The following PCDHGB2 variants were observed in gnomAD, a reference collection of about 807,000 sequenced individuals.
The protein encoded by PCDHGB2 is protocadherin gamma-B2.
PCDHGB2 carries 55 observed loss-of-function variants against 59.3 expected under a neutral mutation model. The observed-to-expected ratio is 0.93, with a 90% CI of 0.75 to 1.16. PCDHGB2 has a LOEUF of 1.16. Among genes scored for constraint, PCDHGB2 ranks in the 50% most tolerant of loss-of-function variants. The pLI, the probability that PCDHGB2 is intolerant of heterozygous loss-of-function variation, is 0.00. For synonymous variants in PCDHGB2, 516 were observed against 512.0 expected, an observed-to-expected ratio of 1.01 and a Z score of -0.11; for missense variants, 1,228 against 1,198.5, an observed-to-expected ratio of 1.02 and a Z score of -0.36.
At chr5:141,370,916 T>G in intron 1 of PCDHGB2, 1 of 1,614,016 alleles carries the variant, frequency 6.2e-7, no homozygotes, top group Non-Finnish European at 8.5e-7. Context: ...ACCTCAGCCC[T>G]GATCCGCACT....
At chr5:141,413,066 A>T in intron 1 of PCDHGB2, 2 of 1,161,944 alleles carry the variant, frequency 1.7e-6, no homozygotes, top group Non-Finnish European at 2.4e-6. Flanking sequence ...TCCAGAATTT[A>T]AAGTGCCCAG....
In PCDHGB2 at chr5:141,431,710, G is replaced by A. The variant is rs1249423969; in HGVS notation, c.2422-63097G>A. On this transcript the variant is annotated intron_variant, in intron 1 of 3. Coordinates refer to ENST00000522605, the MANE Select transcript of PCDHGB2 (RefSeq NM_018923.3). The surrounding 1 kb of genome is among the most constrained non-coding windows in gnomAD (Gnocchi z 4.8). ...ACGAGGAGTCAGGATTCTACCAGAT[G>A]GAAGTGCAAGCAATGGATAATGCAG... is the stretch of plus-strand genomic sequence containing the variant. 3.1e-6 allele frequency: 5 copies of A among 1,614,116 alleles called. No individual in the cohort carries two copies. Among genetic ancestry groups the A allele is most frequent in the South Asian group, 1.1e-5 (1 of 91,088 alleles).
In PCDHGB2 at chr5:141,410,323, G is replaced by T. The variant is rs1415994094; in HGVS notation, c.2421+47767G>T. 3.7e-6 allele frequency: 6 copies of T among 1,613,884 alleles called. No homozygotes were observed. The South Asian group carries it at 5.5e-5, about 15-fold the overall frequency. ...TCTCAGTGCTCTTCCTCCTCGCCGT[G>T]ATTCTGGCCATTGCCTTGCGCCTGC... is the stretch of plus-strand genomic sequence containing the variant. On this transcript the variant is annotated intron_variant, in intron 1 of 3. Transcript: ENST00000522605.
chr5:141,384,829 G>A (rs1243050988), intron 1 of PCDHGB2: 5 of 1,613,524 alleles, frequency 3.1e-6, no homozygotes, highest in Non-Finnish European at 4.2e-6. Flanking sequence ...GAGCCTCGTG[G>A]TGGCCGTCCA....
In PCDHGB2 at chr5:141,361,569, C is replaced by T; in HGVS notation, c.1434C>T (p.Asp478=). Residue 478 remains aspartate, a synonymous_variant, in exon 1 of 4, where the codon GAC becomes GAT. Coordinates refer to ENST00000522605, the MANE Select transcript of PCDHGB2 (RefSeq NM_018923.3). ...GASIAQISAS[D]PDLGPSGQVS... ...CTATCGCTCAAATCAGTGCCTCTGACCCTGACTTGGGCCCCAGTGGCCAAG... is the reference window on the plus strand; with the variant it reads ...CTATCGCTCAAATCAGTGCCTCTGATCCTGACTTGGGCCCCAGTGGCCAAG... 6.2e-7 allele frequency: 1 copy of T among 1,614,072 alleles called. No individual in the cohort carries two copies.
chr5:141,490,380 T>C lies in PCDHGB2; in HGVS notation c.2422-4427T>C, dbSNP rs1246254637. 1 of 1,614,204 alleles carries C rather than the reference T, an allele frequency of 6.2e-7. No individual in the cohort carries two copies. ...TTAATGTGCGAGACCGGGACTCAGGTAGAAATGGTGAAGTGAGCCTTGATA... is the reference window on the plus strand; with the variant it reads ...TTAATGTGCGAGACCGGGACTCAGGCAGAAATGGTGAAGTGAGCCTTGATA... On this transcript the variant is annotated intron_variant, in intron 1 of 3. Coordinates refer to ENST00000522605, the MANE Select transcript of PCDHGB2 (RefSeq NM_018923.3). This position sits in a 1 kb window ranked among gnomAD's most constrained non-coding sequence, Gnocchi z 5.4.
chr5:141,447,135 GT>G (rs905717632), intron 1 of PCDHGB2, among the ~76,000 whole-genome samples: 1 of 151,698 alleles, frequency 6.6e-6, no homozygotes, highest in South Asian at 2.1e-4. Flanking sequence ...TTGTTTGTTT[GT>G]TTTTTGTTTT....
chr5:141,488,751 C>T (rs1185515068), intron 1 of PCDHGB2, among the ~76,000 whole-genome samples: 1 of 152,154 alleles, frequency 6.6e-6, no homozygotes, highest in Non-Finnish European at 1.5e-5. Context: ...CAGGAAGTTG[C>T]TGGGACAGAA....
chr5:141,487,323 G>A lies in PCDHGB2; in HGVS notation c.2422-7484G>A, dbSNP rs374901235. Reference sequence around the variant, plus strand: ...GTGGCACTACTCTCTAAGTGTCTTCGTGGGGCAGCCTGTGGAGTCACATGC... The same window carrying A: ...GTGGCACTACTCTCTAAGTGTCTTCATGGGGCAGCCTGTGGAGTCACATGC... On this transcript the variant is annotated intron_variant, in intron 1 of 3. Coordinates refer to ENST00000522605, the MANE Select transcript of PCDHGB2 (RefSeq NM_018923.3). The surrounding 1 kb of genome is among the most constrained non-coding windows in gnomAD (Gnocchi z 5.0). 4.0e-5 allele frequency: 65 copies of A among 1,613,982 alleles called. No homozygotes were observed. Among genetic ancestry groups the A allele is most frequent in the Non-Finnish European group, 4.7e-5 (56 of 1,180,012 alleles).
At chr5:141,376,590 G>C (rs569935512) in intron 1 of PCDHGB2, 2 of 1,570,070 alleles carry the variant, frequency 1.3e-6, no homozygotes, top group Admixed American at 1.8e-5. Flanking sequence ...CAGCTAGATC[G>C]GCTGTTATAG....
At chr5:141,390,249 C>A (rs749702926) in intron 1 of PCDHGB2, 1 of 1,614,046 alleles carries the variant, frequency 6.2e-7, no homozygotes, top group South Asian at 1.1e-5. Context: ...CTTATTTCCA[C>A]TTTGTAATTC....
At chr5:141,389,832 C>A in intron 1 of PCDHGB2, 3 of 1,613,966 alleles carry the variant, frequency 1.9e-6, no homozygotes, top group Non-Finnish European at 2.5e-6. Flanking sequence ...CGGTGGACAG[C>A]CACCACTCTC....
chr5:141,447,942 T>C (rs1476141059), intron 1 of PCDHGB2, among the ~76,000 whole-genome samples: 2 of 151,740 alleles, frequency 1.3e-5, no homozygotes, highest in African/African-American at 4.8e-5. Context: ...AAAAATTAGC[T>C]GGGCATGGTG....
chr5:141,408,358 G>C, intron 1 of PCDHGB2: 1 of 1,613,952 alleles, frequency 6.2e-7, no homozygotes, highest in South Asian at 1.1e-5. Context: ...ACCTCGCTAA[G>C]GATCTAGGGC....
intron 1 of PCDHGB2, chr5:141,414,744 C>T (rs1381345965): frequency 6.2e-7 from 1 of 1,614,210 alleles, no homozygotes; most frequent in Non-Finnish European, 8.5e-7. Context: ...CACTCAGATC[C>T]TTCGACTATG....
chr5:141,495,900 G>A (rs1403705200), intron 2 of PCDHGB2, among the ~76,000 whole-genome samples: 2 of 151,894 alleles, frequency 1.3e-5, no homozygotes, highest in East Asian at 1.9e-4. Context: ...CTTTGTCTCT[G>A]TCTCTGTATA....
Position 141,485,790 on chromosome 5 carries a change from C to T in PCDHGB2, c.2422-9017C>T. On this transcript the variant is annotated intron_variant, in intron 1 of 3. Transcript: ENST00000522605. This position sits in a 1 kb window ranked among gnomAD's most constrained non-coding sequence, Gnocchi z 5.7. The stretch of plus-strand genomic sequence containing the variant: ...AAGCCTTTGGATCGAGAGAAGCAAT[C>T]GGACTACCGCCTGGTGCTGACTGCT... 6.2e-7 allele frequency: 1 copy of T among 1,614,204 alleles called. No homozygotes were observed. Among genetic ancestry groups the T allele is most frequent in the Non-Finnish European group, 8.5e-7 (1 of 1,180,032 alleles).
At chr5:141,454,320 C>G (rs140074578) in intron 1 of PCDHGB2, among the ~76,000 whole-genome samples, 4 of 152,148 alleles carry the variant, frequency 2.6e-5, no homozygotes, top group Admixed American at 2.6e-4. Context: ...ATTGAAACCT[C>G]CAAGAATAAA....
intron 1 of PCDHGB2, chr5:141,428,413 C>A: frequency 2.2e-6 from 1 of 461,904 alleles, no homozygotes; most frequent in Non-Finnish European, 4.0e-6. Context: ...TTGCTTTCAC[C>A]CTGGTCTCTG....
Sources: allele counts gnomAD v4.1 joint callset (sites outside exome capture counted in the v4.1 genomes callset), GRCh38; gene constraint gnomAD v4.1.1; non-coding constraint Gnocchi (gnomAD v3.1); transcripts MANE v1.5; gene names NCBI Gene and HGNC (gene_info 2026-07-23, HGNC 2026-07-21).